MECR: variants seen among roughly 807,000 people sequenced by gnomAD.
MECR encodes the protein mitochondrial trans-2-enoyl-CoA reductase, also known as enoyl-[acyl-carrier-protein] reductase, mitochondrial.
In MECR, 37 loss-of-function variants were observed where a neutral mutation model predicts 49.1. That is an observed-to-expected ratio of 0.75 (90% CI 0.58 to 0.99). The LOEUF (loss-of-function observed/expected upper bound fraction) is 0.99, where lower values mean the gene tolerates loss of function less well. Among genes scored for constraint, MECR ranks in the 50% least tolerant of loss-of-function variants. The pLI is 0.00. For missense variants in MECR, 470 were observed against 479.6 expected (o/e 0.98, Z 0.19); for synonymous variants, 198 against 191.1 (o/e 1.04, Z -0.30).
intron 1 of MECR, among the ~76,000 whole-genome samples, chr1:29,227,080 C>T (rs776173736): frequency 7.3e-5 from 11 of 151,196 alleles, no homozygotes; most frequent in Admixed American, 3.3e-4. Flanking sequence ...TCTCCTGCCT[C>T]GGTCTCCCGA....
At chr1:29,200,431 G>A (rs747445809) in intron 7 of MECR, 85 bp downstream of exon 7, 6 of 1,310,178 alleles carry the variant, frequency 4.6e-6, no homozygotes, top group South Asian at 2.5e-5. Flanking sequence ...TCGAACTGGC[G>A]ATGGGACTCA....
At chr1:29,169,985 T>A in the MECR span, 1 of 152,344 alleles carries the variant, frequency 6.6e-6, no homozygotes, top group Non-Finnish European at 1.5e-5. Flanking sequence ...TCAGCTAAGG[T>A]ATTTCACTTT....
chr1:29,180,877 G>A, the MECR span, among the ~76,000 whole-genome samples: 1 of 152,164 alleles, frequency 6.6e-6, no homozygotes, highest in African/African-American at 2.4e-5. Context: ...TTTCGTCTCC[G>A]TCTGCGTTAA....
In MECR at chr1:29,214,930, A is replaced by G. The variant is rs375171015; in HGVS notation, c.406+1075T>C. On this transcript the variant is annotated intron_variant, in intron 3 of 9. Transcript: ENST00000263702. ...CTGTTAAGTGCTAAAAACAAAACTCACCTATGACTCCTTATAATATATCAA... is the reference window on the plus strand; with the variant it reads ...CTGTTAAGTGCTAAAAACAAAACTCGCCTATGACTCCTTATAATATATCAA... Among the ~76,000 whole-genome samples, 11 of 152,152 alleles carry G rather than the reference A, an allele frequency of 7.2e-5. No individual in the cohort carries two copies. In the East Asian group the frequency reaches 7.7e-4, roughly 11 times the overall value.
intron 3 of MECR, among the ~76,000 whole-genome samples, chr1:29,207,653 T>C (rs958040106): frequency 2.6e-5 from 4 of 151,918 alleles, no homozygotes; most frequent in Non-Finnish European, 4.4e-5. Context: ...AGTGGGAAGA[T>C]TGCTTGAGCC....
At chr1:29,212,220 A>G (rs1464861608) in intron 3 of MECR, among the ~76,000 whole-genome samples, 1 of 152,148 alleles carries the variant, frequency 6.6e-6, no homozygotes, top group Non-Finnish European at 1.5e-5. Context: ...GGAGTTCAAG[A>G]CCAGCCTGGC....
At chr1:29,179,117 G>C in the MECR span, among the ~76,000 whole-genome samples, 1 of 152,060 alleles carries the variant, frequency 6.6e-6, no homozygotes, top group South Asian at 2.1e-4. Flanking sequence ...CTTTTGGGTT[G>C]CTCACTTCTT....
At chr1:29,179,722 C>G in the MECR span, among the ~76,000 whole-genome samples, 1 of 152,186 alleles carries the variant, frequency 6.6e-6, no homozygotes, top group Non-Finnish European at 1.5e-5. Flanking sequence ...TTCAACACAT[C>G]TTTTCAAGCA....
downstream of MECR, among the ~76,000 whole-genome samples, chr1:29,189,010 A>T (rs185678649): frequency 1.0e-3 from 154 of 148,910 alleles, no homozygotes; most frequent in African/African-American, 3.6e-3. Flanking sequence ...TGCGACCTCG[A>T]CTCACTGCAA....
At chr1:29,177,542 A>C in the MECR span, among the ~76,000 whole-genome samples, 1 of 152,178 alleles carries the variant, frequency 6.6e-6, no homozygotes, top group Non-Finnish European at 1.5e-5. Flanking sequence ...TTGGCCTCTC[A>C]AAGTGCCGGG....
downstream of MECR, among the ~76,000 whole-genome samples, chr1:29,190,270 G>A (rs1378344910): frequency 6.6e-6 from 1 of 152,166 alleles, no homozygotes. Context: ...AGCTATTCGG[G>A]AGGCTGAGGC....
At chr1:29,226,208 A>AT (rs1285380530) in intron 1 of MECR, among the ~76,000 whole-genome samples, 1 of 149,476 alleles carries the variant, frequency 6.7e-6, no homozygotes, top group Non-Finnish European at 1.5e-5. Context: ...CAGAACGGGT[A>AT]TATGTCCACG....
chr1:29,178,510 CTTT>C, the MECR span, among the ~76,000 whole-genome samples: 11 of 151,646 alleles, frequency 7.3e-5, no homozygotes, highest in Non-Finnish European at 1.5e-4. Flanking sequence ...TGCCCGGCTA[CTTT>C]TTTTTAATTT....
the MECR span, among the ~76,000 whole-genome samples, chr1:29,174,603 T>C: frequency 6.7e-6 from 1 of 149,820 alleles, no homozygotes; most frequent in Non-Finnish European, 1.5e-5. Flanking sequence ...ACTTATAGTA[T>C]GATTCCAAGT....
chr1:29,197,447 A>G (rs1479622028), intron 7 of MECR, among the ~76,000 whole-genome samples: 1 of 152,152 alleles, frequency 6.6e-6, no homozygotes, highest in Non-Finnish European at 1.5e-5. Flanking sequence ...CCACACCCCC[A>G]TGTCAGCTGA....
chr1:29,216,652 T>A lies in MECR; in HGVS notation c.210A>T (p.Gly70=), dbSNP rs1211098823. 1 of 1,614,228 alleles carries A rather than the reference T, an allele frequency of 6.2e-7. No individual in the cohort carries two copies. The highest frequency in any genetic ancestry group is 8.5e-7 in the Non-Finnish European group (1 of 1,180,036). ...LKNLELAAVR[G]SDVRVKMLAA... ...CCAGCATCTTCACACGGACATCTGA[T>A]CCTCTCACAGCAGCTAGCTCCAGGT... is the stretch of plus-strand genomic sequence containing the variant. Residue 70 remains glycine (G), a synonymous_variant, in exon 2 of 10, where the codon GGA becomes GGT. Transcript: ENST00000263702.
chr1:29,217,467 G>A (rs1375482040), intron 1 of MECR, among the ~76,000 whole-genome samples: 1 of 151,794 alleles, frequency 6.6e-6, no homozygotes, highest in African/African-American at 2.4e-5. Flanking sequence ...TGCCTGCCTC[G>A]GCCTCCTAAA....
At chr1:29,212,883 C>A (rs1357441053) in intron 3 of MECR, among the ~76,000 whole-genome samples, 1 of 152,222 alleles carries the variant, frequency 6.6e-6, no homozygotes, top group African/African-American at 2.4e-5. Context: ...ATGAGCCAGC[C>A]ACCCTGAGCT....
At chr1:29,173,934 A>T in the MECR span, among the ~76,000 whole-genome samples, 1 of 151,552 alleles carries the variant, frequency 6.6e-6, no homozygotes, top group East Asian at 1.9e-4. Flanking sequence ...CACGCCTGTA[A>T]TCCCAGCACT....
Sources: gnomAD v4.1 joint callset for allele counts (sites outside exome capture counted in the v4.1 genomes callset) on GRCh38, gnomAD v4.1.1 for gene constraint, MANE v1.5 for transcripts, NCBI Gene and HGNC (gene_info 2026-07-23, HGNC 2026-07-21) for gene names.